Variants in TYW1B observed in about 807,000 individuals in gnomAD.
The protein encoded by TYW1B is S-adenosyl-L-methionine-dependent tRNA 4-demethylwyosine synthase TYW1B.
A neutral mutation model predicts 86.9 loss-of-function variants in TYW1B; 73 were observed. The observed-to-expected ratio is 0.84, with a 90% CI of 0.70 to 1.02. The LOEUF is 1.02. Ranked by LOEUF, TYW1B falls within the 50% of genes least tolerant of loss-of-function variation. The pLI is 0.00. For missense variants in TYW1B, 637 were observed against 827.4 expected (o/e 0.77, Z 2.82); for synonymous variants, 248 against 292.8 (o/e 0.85, Z 1.56).
At chr7:72,629,790 C>T (rs1455934089) in intron 11 of TYW1B, among the ~76,000 whole-genome samples, 1 of 152,054 alleles carries the variant, frequency 6.6e-6, no homozygotes, top group African/African-American at 2.4e-5. Context: ...TTAAGTGACC[C>T]TCATGCCTGA....
Position 72,735,068 on chromosome 7 carries a change from G to A in TYW1B, c.1083-6137C>T, listed in dbSNP as rs558579285. Among the ~76,000 whole-genome samples, 227 of 152,186 alleles carry A rather than the reference G, an allele frequency of 1.5e-3. 1 individual carries two copies. Among genetic ancestry groups the A allele is most frequent in the African/African-American group, 5.2e-3 (217 of 41,516 alleles). On this transcript the variant is annotated intron_variant, in intron 8 of 13. Coordinates refer to ENST00000620995, the MANE Select transcript of TYW1B (RefSeq NM_001145440.3). Reference sequence around the variant, plus strand: ...GAGATTCCTCAAAAAACTAAAGCTAGAACTACCATATGATCCAGCAACCCC... The same window carrying A: ...GAGATTCCTCAAAAAACTAAAGCTAAAACTACCATATGATCCAGCAACCCC...
chr7:72,649,819 A>G (rs1393019041), intron 11 of TYW1B, among the ~76,000 whole-genome samples: 2 of 152,178 alleles, frequency 1.3e-5, no homozygotes, highest in Non-Finnish European at 2.9e-5. Flanking sequence ...AAAGTCCCAA[A>G]TATTACAGCA....
intron 6 of TYW1B, among the ~76,000 whole-genome samples, chr7:72,785,475 T>G (rs1554472282): frequency 6.7e-6 from 1 of 149,450 alleles, no homozygotes; most frequent in Non-Finnish European, 1.5e-5. Context: ...AAAAAATATA[T>G]TAACTACTAT....
chr7:72,727,000 C>T (rs781954400), intron 9 of TYW1B, among the ~76,000 whole-genome samples: 25 of 152,070 alleles, frequency 1.6e-4, no homozygotes, highest in Non-Finnish European at 2.6e-4. Context: ...CTCACTATCA[C>T]GAGAACACCA....
intron 5 of TYW1B, among the ~76,000 whole-genome samples, chr7:72,805,067 C>T (rs1788469835): frequency 6.6e-6 from 1 of 152,030 alleles, no homozygotes; most frequent in Non-Finnish European, 1.5e-5. Flanking sequence ...ACTGCATATA[C>T]TCATGGTAGC....
At chr7:72,796,635 G>C (rs549037236) in intron 6 of TYW1B, among the ~76,000 whole-genome samples, 2 of 151,292 alleles carry the variant, frequency 1.3e-5, no homozygotes, top group Non-Finnish European at 1.5e-5. Flanking sequence ...GAAACCCTTC[G>C]AGTTGGTTCC....
chr7:72,646,338 A>T (rs1812930760), intron 11 of TYW1B, among the ~76,000 whole-genome samples: 1 of 152,124 alleles, frequency 6.6e-6, no homozygotes, highest in African/African-American at 2.4e-5. Flanking sequence ...TTGGGATTAC[A>T]GGCATAAGCC....
chr7:72,657,308 G>T (rs1420456100), intron 11 of TYW1B, among the ~76,000 whole-genome samples: 2 of 152,002 alleles, frequency 1.3e-5, no homozygotes, highest in Non-Finnish European at 2.9e-5. Context: ...TTTTAAAAAA[G>T]ATAATTTAAA....
At chr7:72,727,659 A>G (rs1787024736) in intron 9 of TYW1B, among the ~76,000 whole-genome samples, 1 of 152,010 alleles carries the variant, frequency 6.6e-6, no homozygotes, top group Non-Finnish European at 1.5e-5. Flanking sequence ...TTCACAAAAA[A>G]TTAGCCAGGC....
intron 10 of TYW1B, among the ~76,000 whole-genome samples, chr7:72,711,201 G>T (rs569137720): frequency 2.6e-5 from 4 of 152,082 alleles, no homozygotes; most frequent in Non-Finnish European, 5.9e-5. Context: ...ACTAAGATAG[G>T]GAGGCTAAAA....
At chr7:72,781,920 C>CATGAATCTTATAGAAT (rs1788056588) in intron 6 of TYW1B, among the ~76,000 whole-genome samples, 1 of 152,204 alleles carries the variant, frequency 6.6e-6, no homozygotes, top group Non-Finnish European at 1.5e-5. Flanking sequence ...GACAGGACTA[C>CATGAATCTTATAGAAT]ATGAATCTTA....
intron 8 of TYW1B, among the ~76,000 whole-genome samples, chr7:72,732,519 T>G (rs577769038): frequency 6.6e-6 from 1 of 152,170 alleles, no homozygotes; most frequent in South Asian, 2.1e-4. Context: ...GAACAGCCAA[T>G]GAGTCAATGA....
chr7:72,674,098 G>A (rs1554446879), intron 11 of TYW1B, among the ~76,000 whole-genome samples: 1 of 151,970 alleles, frequency 6.6e-6, no homozygotes. Context: ...ATAGGGGATG[G>A]TACAACCCCA....
chr7:72,606,079 G>C (rs1484175086), intron 13 of TYW1B, among the ~76,000 whole-genome samples: 1 of 152,148 alleles, frequency 6.6e-6, no homozygotes, highest in African/African-American at 2.4e-5. Context: ...ACACTGGCTA[G>C]GGGCCTTGGG....
chr7:72,734,647 ACAAT>A (rs1303740425), intron 8 of TYW1B, among the ~76,000 whole-genome samples: 1 of 152,220 alleles, frequency 6.6e-6, no homozygotes, highest in Non-Finnish European at 1.5e-5. Context: ...TGCAAAGGAA[ACAAT>A]CAACAGGGTG....
At chr7:72,723,145 A>G (rs1392797280) in intron 9 of TYW1B, 3 of 551,016 alleles carry the variant, frequency 5.4e-6, no homozygotes, top group Non-Finnish European at 8.5e-6. Context: ...TAGATTATAA[A>G]TATATAAGGG....
chr7:72,780,168 C>A (rs1432476009), intron 6 of TYW1B, among the ~76,000 whole-genome samples: 1 of 152,134 alleles, frequency 6.6e-6, no homozygotes, highest in African/African-American at 2.4e-5. Flanking sequence ...TGAGGTCTCG[C>A]TATGTCGCCC....
intron 11 of TYW1B, among the ~76,000 whole-genome samples, chr7:72,693,409 CT>C (rs35021264): frequency 9.6e-4 from 124 of 129,388 alleles, no homozygotes; most frequent in South Asian, 5.1e-3. Context: ...TTGCAGACAT[CT>C]TTTTTTTTTT....
chr7:72,826,433 C>T (rs1429198763), intron 2 of TYW1B, among the ~76,000 whole-genome samples: 1 of 152,068 alleles, frequency 6.6e-6, no homozygotes, highest in African/African-American at 2.4e-5. Flanking sequence ...TAGGCAGGAC[C>T]CACATTTTTA....
Sources: gnomAD v4.1 joint callset for allele counts (sites outside exome capture counted in the v4.1 genomes callset) on GRCh38, gnomAD v4.1.1 for gene constraint, MANE v1.5 for transcripts, NCBI Gene and HGNC (gene_info 2026-07-23, HGNC 2026-07-21) for gene names.